The following TTC39B variants were observed in gnomAD, a reference collection of about 807,000 sequenced individuals.
TTC39B encodes tetratricopeptide repeat protein 39B.
In TTC39B, 92 loss-of-function variants were observed where a neutral mutation model predicts 96.6. The ratio of observed to expected loss-of-function variants is 0.95; its 90% CI spans 0.80 to 1.13. The LOEUF (loss-of-function observed/expected upper bound fraction) is 1.13. TTC39B is among the 50% of genes most tolerant of loss of function. The probability of loss-of-function intolerance (pLI) is 0.00; values close to 1 mark genes in which losing one functional copy is unlikely to be tolerated. For synonymous variants in TTC39B, 367 were observed against 299.4 expected (o/e 1.23, Z -2.33); for missense variants, 955 against 809.3 (o/e 1.18, Z -2.18).
chr9:15,171,429 A>G (rs556304933), exon 20 of TTC39B: 1 of 152,268 alleles, frequency 6.6e-6, no homozygotes, highest in East Asian at 1.9e-4. Flanking sequence ...TGAAGAGTAA[A>G]AAACCACTAA....
chr9:15,185,525 G>A, intron 15 of TTC39B, 119 bp from the exon 16 acceptor site: 1 of 1,482,596 alleles, frequency 6.7e-7, no homozygotes, highest in Non-Finnish European at 9.1e-7. Context: ...CATCACCTGG[G>A]AACCTATTTG....
At chr9:15,193,782 G>C (rs1019533190) in intron 8 of TTC39B, among the ~76,000 whole-genome samples, 1 of 152,174 alleles carries the variant, frequency 6.6e-6, no homozygotes, top group Non-Finnish European at 1.5e-5. Context: ...TTTTGCCATA[G>C]AGTCATAATC....
intron 7 of TTC39B, among the ~76,000 whole-genome samples, chr9:15,200,144 G>C (rs1208599058): frequency 2.0e-5 from 3 of 152,108 alleles, no homozygotes; most frequent in African/African-American, 7.2e-5. Flanking sequence ...GAAAATACTT[G>C]TAAAATCCTT....
At chr9:15,190,264 G>C (rs1818779623) in intron 11 of TTC39B, among the ~76,000 whole-genome samples, 1 of 151,908 alleles carries the variant, frequency 6.6e-6, no homozygotes, top group South Asian at 2.1e-4. Context: ...AAACAGATAT[G>C]AACTACTAGC....
intron 2 of TTC39B, among the ~76,000 whole-genome samples, chr9:15,239,167 C>G (rs1821922765): frequency 6.6e-6 from 1 of 151,676 alleles, no homozygotes; most frequent in African/African-American, 2.4e-5. Flanking sequence ...AAAAAAAATG[C>G]TCAACATCAC....
chr9:15,196,535 G>C (rs1244204870), intron 8 of TTC39B, among the ~76,000 whole-genome samples: 1 of 152,194 alleles, frequency 6.6e-6, no homozygotes, highest in Non-Finnish European at 1.5e-5. Flanking sequence ...GTTAGAAACA[G>C]AAAGAGAACT....
At chr9:15,178,837 C>T (rs1818097512) in intron 17 of TTC39B, among the ~76,000 whole-genome samples, 1 of 152,124 alleles carries the variant, frequency 6.6e-6, no homozygotes, top group Admixed American at 6.5e-5. Flanking sequence ...GATAACACTT[C>T]CATATGGAGA....
intron 18 of TTC39B, among the ~76,000 whole-genome samples, 163 bp downstream of exon 18, chr9:15,177,534 G>A (rs1818007005): frequency 6.6e-6 from 1 of 152,128 alleles, no homozygotes. Context: ...CCATAATTTT[G>A]TTCACGAGGA....
intron 2 of TTC39B, among the ~76,000 whole-genome samples, chr9:15,253,591 G>C (rs1160419557): frequency 6.6e-6 from 1 of 152,234 alleles, no homozygotes; most frequent in African/African-American, 2.4e-5. Context: ...AGCAGCCATA[G>C]GAAATTAATG....
chr9:15,227,577 A>C (rs1002406044), intron 2 of TTC39B, among the ~76,000 whole-genome samples: 7 of 152,160 alleles, frequency 4.6e-5, no homozygotes. Flanking sequence ...AGTTATTTCC[A>C]TCACAAAAAC....
chr9:15,179,561 T>C (rs74588168), intron 17 of TTC39B, among the ~76,000 whole-genome samples: 1,945 of 152,328 alleles, frequency 0.013, 44 homozygotes, highest in African/African-American at 0.045. Flanking sequence ...TAGAATCATT[T>C]TTCTACCAAA....
chr9:15,264,422 G>C (rs959100583), intron 2 of TTC39B, among the ~76,000 whole-genome samples: 8 of 152,144 alleles, frequency 5.3e-5, no homozygotes, highest in Non-Finnish European at 1.2e-4. Context: ...GGGAGGCCAA[G>C]GCAGGTGGAT....
chr9:15,288,031 C>T (rs1824042815), intron 1 of TTC39B, among the ~76,000 whole-genome samples: 1 of 151,368 alleles, frequency 6.6e-6, no homozygotes, highest in African/African-American at 2.4e-5. Flanking sequence ...ATATAATTAG[C>T]TATACAATTA....
chr9:15,307,076 G>A lies in TTC39B; in HGVS notation c.240+8C>T. On this transcript the variant is annotated splice_region_variant and intron_variant, in intron 1 of 19. Transcript: ENST00000512701. ...GGGGCCGGGCCCGCAATCCCCATCG[G>A]ATCGTACCTCGTCCGCTTCCAGCTC... is the stretch of plus-strand genomic sequence containing the variant. 1.9e-6 allele frequency: 3 copies of A among 1,609,540 alleles called. No individual in the cohort carries two copies. Among genetic ancestry groups the A allele is most frequent in the Non-Finnish European group, 2.5e-6 (3 of 1,178,064 alleles).
chr9:15,286,549 G>T (rs1224231918), intron 1 of TTC39B, among the ~76,000 whole-genome samples: 1 of 152,182 alleles, frequency 6.6e-6, no homozygotes, highest in Non-Finnish European at 1.5e-5. Context: ...TTTCTCCACT[G>T]CATAGTTACT....
intron 3 of TTC39B, among the ~76,000 whole-genome samples, chr9:15,219,202 G>T (rs1258615992): frequency 6.6e-6 from 1 of 152,174 alleles, no homozygotes; most frequent in Non-Finnish European, 1.5e-5. Context: ...GTAAGATAGG[G>T]ATCATTAAGT....
At position 15,233,589 on chromosome 9, in the gene TTC39B, C is replaced by T. The variant is rs574235475; in HGVS notation, c.276-7577G>A. Among the ~76,000 whole-genome samples, 528 of 151,690 alleles carry T rather than the reference C, an allele frequency of 3.5e-3. 4 individuals are homozygous for T. The highest frequency in any genetic ancestry group is 0.012 in the African/African-American group (497 of 41,410). On this transcript the variant is annotated intron_variant, in intron 2 of 19. Transcript: ENST00000512701. Reference sequence around the variant, plus strand: ...GCCGGGCTGGTCTCCAGCTCCTAACCGCCAGTGATCCGCCAGCCTCGGCCT... The same window carrying T: ...GCCGGGCTGGTCTCCAGCTCCTAACTGCCAGTGATCCGCCAGCCTCGGCCT...
At chr9:15,184,420 TAAA>T (rs35811990) in intron 16 of TTC39B, among the ~76,000 whole-genome samples, 8 of 143,186 alleles carry the variant, frequency 5.6e-5, no homozygotes. Flanking sequence ...ACTCTGAATT[TAAA>T]AAAAAAAAAA....
intron 8 of TTC39B, among the ~76,000 whole-genome samples, chr9:15,199,656 A>T (rs1005496832): frequency 1.4e-5 from 2 of 141,924 alleles, no homozygotes; most frequent in Non-Finnish European, 3.0e-5. Flanking sequence ...AATGGCGTGA[A>T]CCTGAGAGGC....
Sources: gnomAD v4.1 joint callset for allele counts (sites outside exome capture counted in the v4.1 genomes callset) on GRCh38, gnomAD v4.1.1 for gene constraint, MANE v1.5 for transcripts, NCBI Gene and HGNC (gene_info 2026-07-23, HGNC 2026-07-21) for gene names.